RANBP17: variants seen among roughly 807,000 people sequenced by gnomAD.
The protein encoded by RANBP17 is RAN binding protein 17, also known as ran-binding protein 17.
Under a neutral mutation model 141.2 loss-of-function variants are expected in RANBP17, and 158 were observed. The observed-to-expected ratio is 1.12, with a 90% confidence interval of 0.98 to 1.28. RANBP17 has a LOEUF of 1.28. Ranked by LOEUF, RANBP17 falls within the 50% of genes most tolerant of loss-of-function variation. The pLI, the probability that RANBP17 is intolerant of heterozygous loss-of-function variation, is 0.00. For synonymous variants in RANBP17, 430 were observed against 450.0 expected (o/e 0.96, Z 0.56); for missense variants, 1,438 against 1,290.7 (o/e 1.11, Z -1.75).
At chr5:171,139,542 G>A (rs1477567478) in intron 14 of RANBP17, among the ~76,000 whole-genome samples, 1 of 152,122 alleles carries the variant, frequency 6.6e-6, no homozygotes, top group Non-Finnish European at 1.5e-5. Context: ...CACCATTCTA[G>A]TATAAACCAG....
At chr5:171,061,916 G>C (rs922161213) in intron 14 of RANBP17, among the ~76,000 whole-genome samples, 1 of 151,966 alleles carries the variant, frequency 6.6e-6, no homozygotes, top group African/African-American at 2.4e-5. Flanking sequence ...TTATGTAATG[G>C]CCTTCTTTGT....
chr5:171,198,717 T>C (rs184197752), intron 18 of RANBP17, among the ~76,000 whole-genome samples: 10 of 152,274 alleles, frequency 6.6e-5, no homozygotes, highest in African/African-American at 1.9e-4. Flanking sequence ...TCTGAGCTCA[T>C]TTCCTCTCTA....
chr5:171,126,158 A>G (rs1266658602), intron 14 of RANBP17, among the ~76,000 whole-genome samples: 2 of 152,224 alleles, frequency 1.3e-5, no homozygotes, highest in African/African-American at 4.8e-5. Context: ...GAAATTAGTA[A>G]TGAGAAGAAC....
chr5:171,219,950 G>A (rs1763448619), intron 21 of RANBP17, among the ~76,000 whole-genome samples: 6 of 151,974 alleles, frequency 3.9e-5, no homozygotes, highest in Admixed American at 3.9e-4. Flanking sequence ...GAGGAGCTGT[G>A]ATCATTTGGA....
At chr5:171,269,840 G>A (rs1170147154) in intron 25 of RANBP17, among the ~76,000 whole-genome samples, 1 of 152,142 alleles carries the variant, frequency 6.6e-6, no homozygotes, top group Non-Finnish European at 1.5e-5. Context: ...TAAAAGGAAT[G>A]GATTACAAAT....
intron 14 of RANBP17, among the ~76,000 whole-genome samples, chr5:171,062,452 G>T (rs576391291): frequency 6.6e-6 from 1 of 152,270 alleles, no homozygotes; most frequent in African/African-American, 2.4e-5. Flanking sequence ...ATTCTGGGTT[G>T]AAAATTTGTT....
chr5:171,288,916 C>T (rs1768322870), intron 25 of RANBP17, among the ~76,000 whole-genome samples: 1 of 152,156 alleles, frequency 6.6e-6, no homozygotes. Context: ...TCAGGCTGTA[C>T]ACACAAAAAC....
chr5:171,105,868 A>G (rs193526), intron 14 of RANBP17, among the ~76,000 whole-genome samples: 93,871 of 152,026 alleles, frequency 0.62, 30,245 homozygotes, highest in South Asian at 0.88. Flanking sequence ...TTGTTGGAAA[A>G]AAATATGATT....
chr5:171,217,171 T>G (rs1194840563), intron 21 of RANBP17, among the ~76,000 whole-genome samples: 1 of 152,188 alleles, frequency 6.6e-6, no homozygotes, highest in East Asian at 1.9e-4. Flanking sequence ...GAGATAATCA[T>G]GTGACTTTGT....
intron 14 of RANBP17, among the ~76,000 whole-genome samples, chr5:170,978,562 G>A (rs1409968510): frequency 6.6e-6 from 1 of 152,068 alleles, no homozygotes; most frequent in Non-Finnish European, 1.5e-5. Flanking sequence ...AATTTATGAT[G>A]ATTTTACAAT....
chr5:171,252,606 G>T, intron 24 of RANBP17: 1 of 1,353,290 alleles, frequency 7.4e-7, no homozygotes, highest in South Asian at 1.2e-5. Flanking sequence ...TTAAATATAA[G>T]GATCAACTTC....
At chr5:171,227,184 A>G (rs907653652) in intron 22 of RANBP17, among the ~76,000 whole-genome samples, 5 of 152,250 alleles carry the variant, frequency 3.3e-5, no homozygotes, top group Non-Finnish European at 4.4e-5. Flanking sequence ...AAGGCATGTC[A>G]AATGCTGAGA....
At chr5:171,293,637 C>T (rs77574703) in intron 25 of RANBP17, among the ~76,000 whole-genome samples, 1,677 of 152,292 alleles carry the variant, frequency 0.011, 28 homozygotes, top group African/African-American at 0.037. Flanking sequence ...GACTTATGCC[C>T]ATCTGGAATG....
At chr5:171,217,336 G>A (rs994111648) in intron 21 of RANBP17, among the ~76,000 whole-genome samples, 4 of 151,956 alleles carry the variant, frequency 2.6e-5, no homozygotes, top group Admixed American at 6.6e-5. Context: ...GGATTTTCAC[G>A]TCGATGTTCA....
rs546722929 is a variant in RANBP17, at chr5:171,282,672, G to A, written c.2944-11211G>A. Reference sequence around the variant, plus strand: ...TTTTTGTATTTTTAGTAGAGACGGGGTTTCACGATGTTGGCCAGGCTGGTC... The same window carrying A: ...TTTTTGTATTTTTAGTAGAGACGGGATTTCACGATGTTGGCCAGGCTGGTC... On this transcript the variant is annotated intron_variant, in intron 25 of 27. Transcript: ENST00000523189. Among the ~76,000 whole-genome samples the A allele has an allele frequency of 3.6e-3, 555 of 152,070 alleles. 6 individuals carry two copies. Among genetic ancestry groups the A allele is most frequent in the African/African-American group, 0.013 (532 of 41,466 alleles).
chr5:171,226,219 C>A (rs1292968585), intron 22 of RANBP17, among the ~76,000 whole-genome samples: 1 of 152,124 alleles, frequency 6.6e-6, no homozygotes, highest in African/African-American at 2.4e-5. Flanking sequence ...GTTTTAAGAA[C>A]TGGATGATTT....
chr5:171,205,671 C>G lies in RANBP17; in HGVS notation c.2231+59C>G, dbSNP rs775129170. Reference sequence around the variant, plus strand: ...GTGCACAGAGGGATGCCAGGCCCCTCGCTTTCGTTTAATAGTATGGCACAG... The same window carrying G: ...GTGCACAGAGGGATGCCAGGCCCCTGGCTTTCGTTTAATAGTATGGCACAG... On this transcript the variant is annotated intron_variant, in intron 20 of 27. Coordinates refer to ENST00000523189, the MANE Select transcript of RANBP17 (RefSeq NM_022897.5). 94 of 1,363,814 alleles carry G rather than the reference C, an allele frequency of 6.9e-5. 1 individual carries two copies. The South Asian group carries it at 1.0e-3, about 15-fold the overall frequency. 84.5% of individuals were successfully genotyped at this position (1,363,814 alleles called of 1,614,324 possible). A position where few individuals can be genotyped will look rare whatever the true frequency, so the allele number is the denominator to read the frequency against.
chr5:170,907,738 ATACTT>A (rs1158723818), intron 5 of RANBP17, among the ~76,000 whole-genome samples: 2 of 152,052 alleles, frequency 1.3e-5, no homozygotes, highest in African/African-American at 2.4e-5. Context: ...TATATGAAGA[ATACTT>A]TATAAATTGC....
At chr5:171,038,162 T>TTTTGTGTGTGTG (rs1554085878) in intron 14 of RANBP17, among the ~76,000 whole-genome samples, 1 of 144,756 alleles carries the variant, frequency 6.9e-6, no homozygotes, top group African/African-American at 2.5e-5. Flanking sequence ...TTCTTAGGTA[T>TTTTGTGTGTGTG]TGTGTGTGTG....
Sources: gnomAD v4.1 joint callset for allele counts (sites outside exome capture counted in the v4.1 genomes callset) on GRCh38, gnomAD v4.1.1 for gene constraint, MANE v1.5 for transcripts, NCBI Gene and HGNC (gene_info 2026-07-23, HGNC 2026-07-21) for gene names.